Variants in COL5A3 observed in about 807,000 individuals in gnomAD.
COL5A3 encodes collagen type V alpha 3 chain, also known as collagen alpha-3(V) chain.
COL5A3 carries 172 observed loss-of-function variants against 250.0 expected under a neutral mutation model. The ratio of observed to expected loss-of-function variants is 0.69; its 90% CI spans 0.61 to 0.78. The LOEUF is 0.78. COL5A3 is among the 30% of genes least tolerant of loss of function. The pLI is 0.00. For missense variants in COL5A3, 2,340 were observed against 2,334.4 expected, an observed-to-expected ratio of 1.00 and a Z score of -0.05; for synonymous variants, 937 against 900.4, an observed-to-expected ratio of 1.04 and a Z score of -0.73.
intron 64 of COL5A3, among the ~76,000 whole-genome samples, chr19:9,964,515 G>A (rs2086711608): frequency 6.6e-6 from 1 of 151,972 alleles, no homozygotes; most frequent in Admixed American, 6.6e-5. Context: ...TGAGACAGGA[G>A]GATCATTGAA....
At chr19:9,986,521 C>T in intron 29 of COL5A3, 32 bp downstream of exon 29, 2 of 1,613,626 alleles carry the variant, frequency 1.2e-6, no homozygotes, top group Non-Finnish European at 1.7e-6. Flanking sequence ...GCCCCCAGAC[C>T]CACACCACCC....
intron 62 of COL5A3, 148 bp from the exon 63 acceptor site, chr19:9,966,894 A>G (rs1331264230): frequency 4.6e-6 from 3 of 655,902 alleles, no homozygotes; most frequent in Non-Finnish European, 7.7e-6. Flanking sequence ...AGATAGAGAA[A>G]GGAGAGATAA....
chr19:9,991,645 C>CG lies in COL5A3; in HGVS notation c.1956dup (p.Gly653ArgfsTer36), dbSNP rs1426017353. 5.0e-6 allele frequency: 8 copies of CG among 1,610,100 alleles called. No homozygotes were observed. Among genetic ancestry groups the CG allele is most frequent in the Admixed American group, 1.7e-5 (1 of 59,318 alleles). ...GGAGTGCCAATGAGTCCCTGGGGAC[C>CG]GGGGAGTCCCTGGAGACAGAAAAAG... On this transcript the variant is annotated frameshift_variant, in exon 24 of 67. Transcript: ENST00000264828. LOFTEE classifies it high-confidence loss of function.
Position 9,968,824 on chromosome 19 carries a change from T to C in COL5A3, c.4153-96A>G, listed in dbSNP as rs954862070. The C allele has an allele frequency of 5.5e-6, 6 of 1,094,806 alleles. No homozygotes were observed. The African/African-American group carries it at 9.5e-5, about 17-fold the overall frequency. 67.8% of individuals were successfully genotyped at this position (1,094,806 alleles called of 1,614,324 possible). A position where few individuals can be genotyped will look rare whatever the true frequency, so the allele number is the denominator to read the frequency against. On this transcript the variant is annotated intron_variant, in intron 57 of 66. Coordinates refer to ENST00000264828, the MANE Select transcript of COL5A3 (RefSeq NM_015719.4). The surrounding 1 kb of genome is among the most constrained non-coding windows in gnomAD (Gnocchi z 4.1). ...ATGGTCAAATGGGAAATTATGCAGA[T>C]TTCAAATGGGAATTACCAGGGATGA...
At chr19:10,010,246 G>A (rs1235641910) in intron 1 of COL5A3, 52 bp downstream of exon 1, 69 of 851,544 alleles carry the variant, frequency 8.1e-5, no homozygotes, top group Non-Finnish European at 1.1e-4. Context: ...CGCTCTTTTA[G>A]AGCCTCTCTG....
chr19:9,967,454 C>G, intron 61 of COL5A3, 54 bp from the exon 62 acceptor site: 1 of 1,260,764 alleles, frequency 7.9e-7, no homozygotes, highest in Non-Finnish European at 1.1e-6. Flanking sequence ...ACCCTTCCCA[C>G]CAACATACAC....
Position 9,982,119 on chromosome 19 carries a change from C to T in COL5A3, c.2407-1G>A, listed in dbSNP as rs1353467930. ...GGGGACCGGGAAATCCAATAGATCCCTGAGTGGAGAGAATTAGAAAGAAGA... is the reference window on the plus strand; with the variant it reads ...GGGGACCGGGAAATCCAATAGATCCTTGAGTGGAGAGAATTAGAAAGAAGA... On this transcript the variant is annotated splice_acceptor_variant, in intron 31 of 66. Coordinates refer to ENST00000264828, the MANE Select transcript of COL5A3 (RefSeq NM_015719.4). LOFTEE classifies it high-confidence loss of function. 1 of 1,597,156 alleles carries T rather than the reference C, an allele frequency of 6.3e-7. No individual in the cohort carries two copies. Among genetic ancestry groups the T allele is most frequent in the Non-Finnish European group, 8.5e-7 (1 of 1,171,870 alleles).
At chr19:10,006,257 T>C in intron 1 of COL5A3, 26 bp from the exon 2 acceptor site, 5 of 1,570,920 alleles carry the variant, frequency 3.2e-6, no homozygotes, top group Non-Finnish European at 4.3e-6. Flanking sequence ...GCCGGGGGTG[T>C]CAGGCAGAGG....
chr19:10,004,045 G>T lies in COL5A3; in HGVS notation c.695C>A (p.Thr232Lys), dbSNP rs762432555. ...PDCDNLAPAA[T>K]VAPQGEPETP... ...GTCATGGAGTCCCTCACTCACCACT[G>T]TGGCTGCCGGTGCCAGGTTGTCACA... is the stretch of plus-strand genomic sequence containing the variant. The change falls in exon 5 of 67, where the codon ACA (threonine) becomes AAA (lysine). Residue 232 changes from threonine to lysine, a missense_variant. Thr to Lys is a moderately conservative substitution (Grantham distance 78, BLOSUM62 -1). Transcript: ENST00000264828. 10 of 1,612,690 alleles carry T rather than the reference G, an allele frequency of 6.2e-6. No individual in the cohort carries two copies. Among genetic ancestry groups the T allele is most frequent in the Non-Finnish European group, 7.6e-6 (9 of 1,178,836 alleles).
chr19:10,007,919 T>TTC (rs141005538), intron 1 of COL5A3, among the ~76,000 whole-genome samples: 2,535 of 149,812 alleles, frequency 0.017, 39 homozygotes, highest in Non-Finnish European at 0.026. Context: ...CCAAGTCTCT[T>TTC]TCTCTCTCTC....
chr19:9,967,264 G>A, intron 62 of COL5A3, 83 bp downstream of exon 62: 1 of 1,038,504 alleles, frequency 9.6e-7, no homozygotes, highest in African/African-American at 1.7e-5. Context: ...GCGCACGGAA[G>A]GACCCTCTGG....
rs2145079044 is a variant in COL5A3 at position 9,974,356 on chromosome 19, T to C, written c.3395A>G (p.Lys1132Arg). The C allele has an allele frequency of 6.2e-7, 1 of 1,612,816 alleles. No individual in the cohort carries two copies. The highest frequency in any genetic ancestry group is 1.3e-5 in the African/African-American group (1 of 75,004). Residue 1132 changes from lysine to arginine, a missense_variant, in exon 46 of 67, where the codon AAA becomes AGA. Transcript: ENST00000264828. ...RRGPPGLFGQ[K>R]GDDGVRGFVG... ...AAAGCCTCTGACTCCGTCATCTCCT[T>C]TCTGCCCAAAGAGGCCTGGGGGTCC...
At chr19:9,998,185 A>G (rs3745595) in intron 8 of COL5A3, 36 bp from the exon 9 acceptor site, 221,844 of 1,588,240 alleles carry the variant, frequency 0.14, 17,770 homozygotes, top group African/African-American at 0.33. Flanking sequence ...GAGAAAAGAG[A>G]TGTGAACTTG....
chr19:9,967,343 T>G lies in COL5A3; in HGVS notation c.4458+4A>C. The G allele has an allele frequency of 7.0e-7, 1 of 1,432,592 alleles. No homozygotes were observed. The highest frequency in any genetic ancestry group is 3.6e-5 in the Admixed American group (1 of 27,958). The allele number at this position is 1,432,592 out of a possible 1,614,324, so 88.7% of individuals were successfully genotyped here. ...TCCATTCCCCCGCCCCCCGGGGAAC[T>G]CACCGGGGGGCCTGGTGGGCCTGCA... On this transcript the variant is annotated splice_donor_region_variant and intron_variant, in intron 62 of 66. Transcript: ENST00000264828.
chr19:9,985,902 A>C lies in COL5A3; in HGVS notation c.2353-7T>G. 6.2e-7 allele frequency: 1 copy of C among 1,613,962 alleles called. No homozygotes were observed. ...CTGGCACCCCAAGCTTGCCCTGCAG[A>C]AAGGTTATGGGACAAAGGTCAGAAA... On this transcript the variant is annotated splice_polypyrimidine_tract_variant and splice_region_variant and intron_variant, in intron 30 of 66. Transcript: ENST00000264828.
At chr19:9,981,055 C>A (rs778771197) in intron 33 of COL5A3, 33 bp downstream of exon 33, 15 of 1,609,156 alleles carry the variant, frequency 9.3e-6, no homozygotes, top group Non-Finnish European at 1.2e-5. Flanking sequence ...CCCCAAGTCC[C>A]AGCAGGGTAG....
intron 45 of COL5A3, among the ~76,000 whole-genome samples, chr19:9,975,388 G>C (rs545649798): frequency 6.6e-6 from 1 of 152,160 alleles, no homozygotes; most frequent in East Asian, 1.9e-4. Flanking sequence ...CTGGAGATAA[G>C]GTTTGAGTAG....
At chr19:9,983,962 G>A (rs1473888602) in intron 31 of COL5A3, among the ~76,000 whole-genome samples, 1 of 150,520 alleles carries the variant, frequency 6.6e-6, no homozygotes, top group African/African-American at 2.4e-5. Flanking sequence ...ATAACTATCA[G>A]CTCAACAGCA....
At chr19:9,970,903 C>A (rs2145069522) in intron 53 of COL5A3, 72 bp downstream of exon 53, 1 of 1,062,990 alleles carries the variant, frequency 9.4e-7, no homozygotes, top group African/African-American at 1.6e-5. Context: ...CACTCCCCTG[C>A]CCCCCCAATT....
Sources: gnomAD v4.1 joint callset for allele counts (sites outside exome capture counted in the v4.1 genomes callset) on GRCh38, gnomAD v4.1.1 for gene constraint, Gnocchi (gnomAD v3.1) non-coding constraint, MANE v1.5 for transcripts, NCBI Gene and HGNC (gene_info 2026-07-23, HGNC 2026-07-21) for gene names.